The following CDK12 variants were observed in gnomAD, a reference collection of about 807,000 sequenced individuals.
CDK12 encodes the protein cyclin dependent kinase 12.
CDK12 carries 17 observed loss-of-function variants against 133.8 expected under a neutral mutation model. The ratio of observed to expected loss-of-function variants is 0.13; its 90% CI spans 0.09 to 0.19. The LOEUF (loss-of-function observed/expected upper bound fraction) is 0.19, where lower values mean the gene tolerates loss of function less well. CDK12 is among the 10% of genes least tolerant of loss of function. The pLI is 1.00. For synonymous variants in CDK12, 694 were observed against 683.6 expected (o/e 1.02, Z -0.24); for missense variants, 1,508 against 1,818.7 (o/e 0.83, Z 3.11).
At chr17:39,468,312 G>A (rs2049507713) in intron 1 of CDK12, among the ~76,000 whole-genome samples, 1 of 152,064 alleles carries the variant, frequency 6.6e-6, no homozygotes, top group Non-Finnish European at 1.5e-5. Context: ...CATATATGTT[G>A]TTTTGAAACA....
chr17:39,478,063 CTT>C (rs533207548), intron 2 of CDK12, among the ~76,000 whole-genome samples: 46 of 137,682 alleles, frequency 3.3e-4, no homozygotes, highest in Admixed American at 4.4e-4. Context: ...TCCTCCACCT[CTT>C]TTTTTTTTTT....
intron 2 of CDK12, among the ~76,000 whole-genome samples, chr17:39,551,978 A>C (rs2055972329): frequency 6.6e-6 from 1 of 152,140 alleles, no homozygotes; most frequent in Non-Finnish European, 1.5e-5. Context: ...AGTGCCAGTA[A>C]AAACTTTATC....
At position 39,531,416 on chromosome 17, in the gene CDK12, T is replaced by G; in HGVS notation, c.*100T>G. The G allele has an allele frequency of 8.3e-7, 1 of 1,201,856 alleles. No individual in the cohort carries two copies. The highest frequency in any genetic ancestry group is 1.1e-6 in the Non-Finnish European group (1 of 921,284). The allele number at this position is 1,201,856 out of a possible 1,614,324, so 74.4% of individuals were successfully genotyped here. A position where few individuals can be genotyped will look rare whatever the true frequency, so the allele number is the denominator to read the frequency against. ...ATCATTTGCCAGAGCGAGGTAATCA[T>G]CTGCATTTGGCTACTGCAAAGCTGT... On this transcript the variant is annotated 3_prime_UTR_variant, in exon 14 of 14. Transcript: ENST00000447079.
intron 6 of CDK12, among the ~76,000 whole-genome samples, chr17:39,504,695 A>G (rs2052968176): frequency 6.6e-6 from 1 of 151,724 alleles, no homozygotes; most frequent in South Asian, 2.1e-4. Context: ...CCTGGCCAAC[A>G]TAGCAAAATT....
intron 13 of CDK12, among the ~76,000 whole-genome samples, chr17:39,528,071 A>C (rs2054600383): frequency 6.6e-6 from 1 of 150,762 alleles, no homozygotes; most frequent in Admixed American, 6.6e-5. Flanking sequence ...ACCTGCCACC[A>C]CACCTGGCTA....
At chr17:39,501,998 C>G (rs1197112449) in intron 6 of CDK12, among the ~76,000 whole-genome samples, 2 of 151,640 alleles carry the variant, frequency 1.3e-5, no homozygotes, top group Non-Finnish European at 2.9e-5. Flanking sequence ...GCGCCCGGCA[C>G]CATGCTCTGC....
rs2049212007 is a variant in CDK12, at chr17:39,465,204, C to T, written c.1046+2087C>T. 2.0e-5 allele frequency among the ~76,000 whole-genome samples: 3 copies of T among 149,088 alleles called. No homozygotes were observed. The Admixed American group carries it at 2.0e-4, about 10-fold the overall frequency. ...GAGGTTGCAGTGAGCTGAGATCGTG[C>T]CATTGCACTCCAGCCTAGGTGACAG... On this transcript the variant is annotated intron_variant, in intron 1 of 13. Coordinates refer to ENST00000447079, the MANE Select transcript of CDK12 (RefSeq NM_016507.4).
intron 3 of CDK12, among the ~76,000 whole-genome samples, chr17:39,561,622 A>T (rs992437684): frequency 6.6e-5 from 10 of 152,134 alleles, no homozygotes; most frequent in African/African-American, 2.4e-4. Context: ...TTTGTAGGAG[A>T]GTAGGTTTGG....
chr17:39,515,030 A>T (rs2053713373), intron 8 of CDK12, among the ~76,000 whole-genome samples: 1 of 152,136 alleles, frequency 6.6e-6, no homozygotes, highest in Admixed American at 6.6e-5. Flanking sequence ...TATTCATGTT[A>T]GATTCACTAG....
At chr17:39,488,679 C>T (rs546230758) in intron 2 of CDK12, among the ~76,000 whole-genome samples, 1 of 152,028 alleles carries the variant, frequency 6.6e-6, no homozygotes, top group Non-Finnish European at 1.5e-5. Flanking sequence ...AGAGTAAATT[C>T]GATGAACTCC....
chr17:39,515,740 T>C lies in CDK12; in HGVS notation c.2778T>C (p.Leu926=). 1 of 1,610,496 alleles carries C rather than the reference T, an allele frequency of 6.2e-7. No homozygotes were observed. Among genetic ancestry groups the C allele is most frequent in the Non-Finnish European group, 8.5e-7 (1 of 1,176,928 alleles). Residue 926 remains leucine, a synonymous_variant, in exon 9 of 14, where the codon CTT becomes CTC. Transcript: ENST00000447079. ...ATTTTACCTTTTCTAGATGTATTCT[T>C]GGGGAACTATTCACAAAGAAGCCTA... is the stretch of plus-strand genomic sequence containing the variant. ...AIDVWSCGCI[L]GELFTKKPIF... is the part of the protein sequence containing the mutation.
intron 3 of CDK12, among the ~76,000 whole-genome samples, chr17:39,492,047 G>A: frequency 6.8e-6 from 1 of 146,460 alleles, no homozygotes. Flanking sequence ...AGGAGTTAGT[G>A]AAATCATCAT....
chr17:39,468,879 C>T (rs1229569419), intron 1 of CDK12, among the ~76,000 whole-genome samples: 1 of 151,884 alleles, frequency 6.6e-6, no homozygotes, highest in Non-Finnish European at 1.5e-5. Context: ...GTGGCGCAAT[C>T]TCTGCTCACT....
chr17:39,551,824 G>A (rs2055966844), intron 2 of CDK12, among the ~76,000 whole-genome samples: 1 of 152,122 alleles, frequency 6.6e-6, no homozygotes, highest in Non-Finnish European at 1.5e-5. Context: ...AGAAATGAAG[G>A]AGAAAGGGGG....
Position 39,501,254 on chromosome 17 carries a change from CT to C in CDK12, c.2428del (p.Tyr810ThrfsTer11), listed in dbSNP as rs2146137440. The C allele has an allele frequency of 2.6e-6, 4 of 1,536,526 alleles. No homozygotes were observed. Among genetic ancestry groups the C allele is most frequent in the Non-Finnish European group, 2.6e-6 (3 of 1,147,554 alleles). Reference protein sequence around the residue: ...ALDFKKDKGAFYLVFEYMDHD... With the variant: ...ALDFKKDKGAXYLVFEYMDHD... ...TTTTTTTTCGTCTTTATGTAGGTGC[CT>C]TTTACCTTGTATTTGAGTATATGGA... On this transcript the variant is annotated frameshift_variant, in exon 6 of 14. Transcript: ENST00000447079. LOFTEE classifies it high-confidence loss of function.
At chr17:39,481,329 CTTT>C (rs569177170) in intron 2 of CDK12, among the ~76,000 whole-genome samples, 3 of 135,518 alleles carry the variant, frequency 2.2e-5, no homozygotes, top group Non-Finnish European at 3.2e-5. Context: ...TCTTCTTTCT[CTTT>C]TTTTTTTTTT....
At chr17:39,467,081 C>T (rs926188508) in intron 1 of CDK12, among the ~76,000 whole-genome samples, 5 of 152,058 alleles carry the variant, frequency 3.3e-5, no homozygotes, top group African/African-American at 4.8e-5. Flanking sequence ...CAGGTTCAAG[C>T]GATTCTCCTG....
chr17:39,470,535 A>G (rs1419896622), intron 1 of CDK12, among the ~76,000 whole-genome samples: 7 of 152,184 alleles, frequency 4.6e-5, no homozygotes, highest in Admixed American at 2.0e-4. Flanking sequence ...AGTTTCTCCT[A>G]TTGTTAACAT....
At chr17:39,509,793 A>G (rs2053365546) in intron 7 of CDK12, 32 bp downstream of exon 7, 1 of 1,532,786 alleles carries the variant, frequency 6.5e-7, no homozygotes. Flanking sequence ...CATGTGGGAA[A>G]TAAGGTTTGT....
Sources: gnomAD v4.1 joint callset for allele counts (sites outside exome capture counted in the v4.1 genomes callset) on GRCh38, gnomAD v4.1.1 for gene constraint, MANE v1.5 for transcripts, NCBI Gene and HGNC (gene_info 2026-07-23, HGNC 2026-07-21) for gene names.